VPS16: variants seen among roughly 807,000 people sequenced by gnomAD.
VPS16 encodes vacuolar protein sorting-associated protein 16 homolog.
A neutral mutation model predicts 116.0 loss-of-function variants in VPS16; 82 were observed. The observed-to-expected ratio is 0.71, with a 90% confidence interval of 0.59 to 0.85. The LOEUF is 0.85. VPS16 is among the 40% of genes least tolerant of loss of function. VPS16 has a pLI of 0.00. For missense variants in VPS16, 928 were observed against 1,090.6 expected (o/e 0.85, Z 2.10); for synonymous variants, 406 against 420.7 (o/e 0.96, Z 0.43).
chr20:2,864,748 G>A lies in VPS16; in HGVS notation c.1926+94G>A. The A allele has an allele frequency of 7.4e-7, 1 of 1,349,200 alleles. No individual in the cohort carries two copies. Among genetic ancestry groups the A allele is most frequent in the Non-Finnish European group, 1.0e-6 (1 of 957,526 alleles). 83.6% of individuals were successfully genotyped at this position (1,349,200 alleles called of 1,614,324 possible). ...AGGAATCTAGGCCTTCGTGTTGGGT[G>A]CACACTCCATCTGGTCCTCACTGTG... On this transcript the variant is annotated intron_variant, in intron 19 of 23. Transcript: ENST00000380445. This position sits in a 1 kb window ranked among gnomAD's most constrained non-coding sequence, Gnocchi z 5.2.
At chr20:2,857,530 G>A (rs1245930363) in intron 1 of VPS16, among the ~76,000 whole-genome samples, 2 of 145,040 alleles carry the variant, frequency 1.4e-5, no homozygotes, top group Non-Finnish European at 3.0e-5. Context: ...TTTTTGAGAC[G>A]GAGTCTCACT....
Position 2,864,032 on chromosome 20 carries a change from C to G in VPS16, c.1560C>G (p.Ser520=). 1 of 1,614,104 alleles carries G rather than the reference C, an allele frequency of 6.2e-7. No individual in the cohort carries two copies. The highest frequency in any genetic ancestry group is 1.3e-5 in the African/African-American group (1 of 75,016). ...GGGACACGCCTGGTGTCTCTTACTC[C>G]GACATTGCTGCACGAGCCTATGGTT... The part of the protein sequence containing the change: ...KLGDTPGVSY[S]DIAARAYGCG... The change falls in exon 16 of 24, where the codon TCC becomes TCG. Residue 520 remains serine (S), a synonymous_variant. Coordinates refer to ENST00000380445, the MANE Select transcript of VPS16 (RefSeq NM_022575.4). The surrounding 1 kb of genome is among the most constrained non-coding windows in gnomAD (Gnocchi z 5.2).
chr20:2,851,796 C>T (rs1418267353), intron 1 of VPS16, among the ~76,000 whole-genome samples: 1 of 152,056 alleles, frequency 6.6e-6, no homozygotes, highest in Non-Finnish European at 1.5e-5. Context: ...GGTGAAACCC[C>T]GTCTCTACTA....
chr20:2,862,125 T>A lies in VPS16; in HGVS notation c.1066T>A (p.Tyr356Asn). ...GCTGCTCCTGGAGGCTCAGAAGGAG[T>A]ATGAGGTAAAGCCCTGGGCTTCTCT... ...GALLLEAQKE[Y>N]EKESQKADEY... Residue 356 changes from tyrosine to asparagine, a missense_variant, in exon 11 of 24, where the codon TAT (tyrosine) becomes AAT (asparagine). By Grantham distance (143) the Tyr-to-Asn change is moderately radical. Coordinates refer to ENST00000380445, the MANE Select transcript of VPS16 (RefSeq NM_022575.4). 6.2e-7 allele frequency: 1 copy of A among 1,613,332 alleles called. No homozygotes were observed. Among genetic ancestry groups the A allele is most frequent in the Non-Finnish European group, 8.5e-7 (1 of 1,179,770 alleles).
chr20:2,853,337 C>T (rs567054815), intron 1 of VPS16, among the ~76,000 whole-genome samples: 4 of 152,016 alleles, frequency 2.6e-5, no homozygotes, highest in African/African-American at 7.2e-5. Flanking sequence ...TGCAGTGAGC[C>T]GAGATCGTGC....
intron 1 of VPS16, among the ~76,000 whole-genome samples, chr20:2,852,876 A>G (rs1024454618): frequency 6.6e-6 from 1 of 152,220 alleles, no homozygotes. Context: ...ATAATTTCTT[A>G]AAACAACAAT....
Position 2,843,346 on chromosome 20 carries a change from T to C in VPS16, c.53+2519T>C, listed in dbSNP as rs2089028393. Among the ~76,000 whole-genome samples the C allele has an allele frequency of 2.0e-5, 3 of 151,872 alleles. No homozygotes were observed. In the South Asian group the frequency reaches 6.2e-4, roughly 32 times the overall value. Reference sequence around the variant, plus strand: ...ACTCGGGAAGCTGAGGCAGGAGAATTGCTTGAACCTGGGAGGCGGAGGTTG... The same window carrying C: ...ACTCGGGAAGCTGAGGCAGGAGAATCGCTTGAACCTGGGAGGCGGAGGTTG... On this transcript the variant is annotated intron_variant, in intron 1 of 23. Transcript: ENST00000380445.
rs549263265 is a variant in VPS16, at chr20:2,853,639, ACCT to A, written c.54-6075_54-6073del. Among the ~76,000 whole-genome samples the A allele has an allele frequency of 3.1e-3, 475 of 151,284 alleles. 3 individuals carry two copies. Among genetic ancestry groups the A allele is most frequent in the African/African-American group, 0.011 (455 of 41,214 alleles). On this transcript the variant is annotated intron_variant, in intron 1 of 23. Transcript: ENST00000380445. Reference sequence around the variant, plus strand: ...AACTCCTGTTAATTTTGATATTTTGACCTCCTCTCATGAATCATAAGAGTATTT... The same window carrying A: ...AACTCCTGTTAATTTTGATATTTTGACCTCTCATGAATCATAAGAGTATTT...
chr20:2,861,113 A>G, intron 7 of VPS16, 21 bp downstream of exon 7: 1 of 1,614,086 alleles, frequency 6.2e-7, no homozygotes, highest in African/African-American at 1.3e-5. Context: ...GGGGCAACAC[A>G]GGGGTACTGT....
At chr20:2,849,805 C>T (rs540058914) in intron 1 of VPS16, among the ~76,000 whole-genome samples, 2 of 152,190 alleles carry the variant, frequency 1.3e-5, no homozygotes, top group Admixed American at 6.5e-5. Context: ...TCCTACAGCA[C>T]ATGTTTCAGT....
At chr20:2,851,009 A>C (rs1473107810) in intron 1 of VPS16, among the ~76,000 whole-genome samples, 8 of 151,924 alleles carry the variant, frequency 5.3e-5, no homozygotes, top group Middle Eastern at 3.4e-3. Flanking sequence ...ATATAAGAAA[A>C]TTTTATGATA....
At chr20:2,857,349 T>G (rs1207716155) in intron 1 of VPS16, among the ~76,000 whole-genome samples, 1 of 152,240 alleles carries the variant, frequency 6.6e-6, no homozygotes, top group Non-Finnish European at 1.5e-5. Context: ...AGGTGTTTAT[T>G]GGAATTCCTG....
In VPS16 at chr20:2,866,470, A is replaced by C; in HGVS notation, c.2416A>C (p.Asn806His). Residue 806 changes from asparagine to histidine, a missense_variant, in exon 24 of 24, where the codon AAT becomes CAT. Asn to His is a moderately conservative substitution (Grantham distance 68). Coordinates refer to ENST00000380445, the MANE Select transcript of VPS16 (RefSeq NM_022575.4). ...TGCAGATGTGGCCATCGAACACCGG[A>C]ATGAGGCTGAGCTGAGCCTCGTATT... ...QAADVAIEHRNEAELSLVLSH... is the reference protein window; with the variant it reads ...QAADVAIEHRHEAELSLVLSH... 1 of 1,614,180 alleles carries C rather than the reference A, an allele frequency of 6.2e-7. No homozygotes were observed.
intron 1 of VPS16, among the ~76,000 whole-genome samples, chr20:2,857,421 T>C (rs2089182873): frequency 6.6e-6 from 1 of 152,262 alleles, no homozygotes; most frequent in Non-Finnish European, 1.5e-5. Context: ...AAATATTTAA[T>C]TTTGTAAAAT....
intron 1 of VPS16, 29 bp downstream of exon 1, chr20:2,840,856 CCTGGCT>C (rs1487225045): frequency 6.5e-7 from 1 of 1,537,088 alleles, no homozygotes; most frequent in African/African-American, 1.4e-5. Context: ...CCGCCCACGG[CCTGGCT>C]TACCCTGCTC....
chr20:2,865,783 G>T lies in VPS16; in HGVS notation c.2271+288G>T. 1 of 497,964 alleles carries T rather than the reference G, an allele frequency of 2.0e-6. No individual in the cohort carries two copies. The allele number at this position is 497,964 out of a possible 1,614,324, so 30.8% of individuals were successfully genotyped here. On this transcript the variant is annotated intron_variant, in intron 22 of 23. Transcript: ENST00000380445. This position sits in a 1 kb window ranked among gnomAD's most constrained non-coding sequence, Gnocchi z 5.2. ...ATGTGCTAGAGGGAAAGTCTTGTCTGAGGAGGGTGGAGGGGGCACAGGGAG... is the reference window on the plus strand; with the variant it reads ...ATGTGCTAGAGGGAAAGTCTTGTCTTAGGAGGGTGGAGGGGGCACAGGGAG...
chr20:2,862,003 G>C, intron 10 of VPS16, 51 bp from the exon 11 acceptor site: 1 of 1,609,618 alleles, frequency 6.2e-7, no homozygotes, highest in Non-Finnish European at 8.5e-7. Flanking sequence ...GTTGAGGCAG[G>C]GCTGAGGGTT....
At chr20:2,853,963 G>A (rs968915601) in intron 1 of VPS16, among the ~76,000 whole-genome samples, 3 of 151,772 alleles carry the variant, frequency 2.0e-5, no homozygotes, top group East Asian at 1.9e-4. Context: ...GTGAGCCACC[G>A]TGCCCAGCCA....
At chr20:2,840,918 T>C in intron 1 of VPS16, 91 bp downstream of exon 1, 1 of 1,180,052 alleles carries the variant, frequency 8.5e-7, no homozygotes, top group Non-Finnish European at 1.2e-6. Flanking sequence ...CTGTCACTAC[T>C]GGCGCTGGGG....
Sources: gnomAD v4.1 joint callset for allele counts (sites outside exome capture counted in the v4.1 genomes callset) on GRCh38, gnomAD v4.1.1 for gene constraint, Gnocchi (gnomAD v3.1) non-coding constraint, MANE v1.5 for transcripts, NCBI Gene and HGNC (gene_info 2026-07-23, HGNC 2026-07-21) for gene names.